Variants in SLC6A6 observed in about 807,000 individuals in gnomAD.
SLC6A6 encodes the protein sodium- and chloride-dependent taurine transporter.
SLC6A6 carries 16 observed loss-of-function variants against 68.8 expected under a neutral mutation model. The observed-to-expected ratio is 0.23, with a 90% CI of 0.16 to 0.35. The LOEUF (loss-of-function observed/expected upper bound fraction) is 0.35, where lower values mean the gene tolerates loss of function less well. Ranked by LOEUF, SLC6A6 falls within the 10% of genes least tolerant of loss-of-function variation. The pLI, the probability that SLC6A6 is intolerant of heterozygous loss-of-function variation, is 1.00. For missense variants in SLC6A6, 474 were observed against 802.8 expected (o/e 0.59, Z 4.95); for synonymous variants, 312 against 315.4 (o/e 0.99, Z 0.12).
rs58268204 is a variant in SLC6A6 at position 14,417,604 on chromosome 3, C to T, written c.-12+1151C>T. ...AAAATTAGCCAGACGTGGTGGCGGG[C>T]GCCTGTAGTTCCAGCTACTCGGGAG... On this transcript the variant is annotated intron_variant, in intron 2 of 14. Coordinates refer to ENST00000622186, the MANE Select transcript of SLC6A6 (RefSeq NM_003043.6). Among the ~76,000 whole-genome samples the T allele has an allele frequency of 3.1e-3, 475 of 152,224 alleles. 4 individuals carry two copies. The highest frequency in any genetic ancestry group is 0.011 in the African/African-American group (454 of 41,526).
intron 5 of SLC6A6, among the ~76,000 whole-genome samples, chr3:14,452,051 A>C (rs1004182010): frequency 6.6e-6 from 1 of 152,166 alleles, no homozygotes; most frequent in South Asian, 2.1e-4. Flanking sequence ...TCTGGAAGTC[A>C]GGGGTACGAG....
intron 14 of SLC6A6, 63 bp from the exon 15 acceptor site, chr3:14,484,804 C>G: frequency 6.4e-7 from 1 of 1,571,566 alleles, no homozygotes; most frequent in Non-Finnish European, 8.7e-7. Context: ...GGCAGATGGC[C>G]CTGGCGAAGG....
At chr3:14,439,552 A>G (rs958425032) in intron 2 of SLC6A6, among the ~76,000 whole-genome samples, 4 of 152,218 alleles carry the variant, frequency 2.6e-5, no homozygotes, top group African/African-American at 9.7e-5. Flanking sequence ...TTCATCCCAT[A>G]GCCTCTGTAT....
chr3:14,408,862 A>G (rs7616474), intron 1 of SLC6A6, among the ~76,000 whole-genome samples: 32,773 of 151,516 alleles, frequency 0.22, 3,705 homozygotes, highest in East Asian at 0.31. Flanking sequence ...GCTGGAGTGC[A>G]GTGGCGTGAT....
At chr3:14,446,905 T>A (rs1012560019) in intron 4 of SLC6A6, among the ~76,000 whole-genome samples, 1 of 152,126 alleles carries the variant, frequency 6.6e-6, no homozygotes, top group Non-Finnish European at 1.5e-5. Context: ...CATATGTGAG[T>A]CTCTTCATTC....
At position 14,447,581 on chromosome 3, in the gene SLC6A6, G is replaced by A; in HGVS notation, c.365-1G>A. 1 of 1,614,234 alleles carries A rather than the reference G, an allele frequency of 6.2e-7. No homozygotes were observed. The highest frequency in any genetic ancestry group is 8.5e-7 in the Non-Finnish European group (1 of 1,180,030). The stretch of plus-strand genomic sequence containing the variant: ...ACTCATCTCATTTGCCCAACCTGCA[G>A]GTATCGGCTATGCCTCCGTTGTAAT... On this transcript the variant is annotated splice_acceptor_variant, in intron 4 of 14. Coordinates refer to ENST00000622186, the MANE Select transcript of SLC6A6 (RefSeq NM_003043.6). LOFTEE classifies it high-confidence loss of function.
chr3:14,446,764 A>G (rs912560401), intron 4 of SLC6A6, among the ~76,000 whole-genome samples: 1 of 152,230 alleles, frequency 6.6e-6, no homozygotes, highest in Non-Finnish European at 1.5e-5. Context: ...TGAAGACAAA[A>G]TGACATAGCC....
chr3:14,482,507 C>G (rs1350744072), intron 14 of SLC6A6, among the ~76,000 whole-genome samples: 3 of 152,248 alleles, frequency 2.0e-5, no homozygotes, highest in Non-Finnish European at 2.9e-5. Flanking sequence ...CAGAATCTCC[C>G]TTAACCTTTT....
In SLC6A6 at chr3:14,472,086, C is replaced by T; in HGVS notation, c.1097-119C>T. The stretch of plus-strand genomic sequence containing the variant: ...TGGTCTCTTTCCCCAGGCCAGAGTT[C>T]AGACCTGGCTCCCTGCTGTATTTGG... On this transcript the variant is annotated intron_variant, in intron 9 of 14. Transcript: ENST00000622186. The surrounding 1 kb of genome is among the most constrained non-coding windows in gnomAD (Gnocchi z 4.5). 1 of 661,864 alleles carries T rather than the reference C, an allele frequency of 1.5e-6. No homozygotes were observed. Among genetic ancestry groups the T allele is most frequent in the Non-Finnish European group, 2.7e-6 (1 of 366,594 alleles). 41.0% of individuals were successfully genotyped at this position (661,864 alleles called of 1,614,324 possible).
intron 1 of SLC6A6, among the ~76,000 whole-genome samples, chr3:14,414,701 T>C (rs1022495087): frequency 2.6e-5 from 4 of 152,056 alleles, no homozygotes; most frequent in Non-Finnish European, 5.9e-5. Context: ...AATTTTTAAA[T>C]TTTATTTTTT....
intron 2 of SLC6A6, among the ~76,000 whole-genome samples, chr3:14,433,804 A>C (rs1699787612): frequency 5.8e-5 from 2 of 34,436 alleles, no homozygotes; most frequent in East Asian, 5.1e-4. Context: ...CTCTGTCTCA[A>C]AAAAAAAAAA....
chr3:14,435,752 C>T (rs1180076094), intron 2 of SLC6A6, among the ~76,000 whole-genome samples: 3 of 152,202 alleles, frequency 2.0e-5, no homozygotes, highest in Admixed American at 2.0e-4. Context: ...TGTGTTTGAC[C>T]CAGGTGGTGG....
chr3:14,471,880 A>T (rs1201780681), intron 9 of SLC6A6, among the ~76,000 whole-genome samples: 1 of 151,964 alleles, frequency 6.6e-6, no homozygotes, highest in East Asian at 1.9e-4. Context: ...GGGTGGGAGG[A>T]TCCTCCCTTT....
At chr3:14,429,045 C>A (rs985030378) in intron 2 of SLC6A6, among the ~76,000 whole-genome samples, 1 of 152,176 alleles carries the variant, frequency 6.6e-6, no homozygotes, top group Non-Finnish European at 1.5e-5. Flanking sequence ...CACCCCCCTA[C>A]CCCCAGGAAT....
At chr3:14,459,878 CTCTTCTTTTTTTTTTTTTTTTTT>C (rs36110023) in intron 6 of SLC6A6, among the ~76,000 whole-genome samples, 66,772 of 148,114 alleles carry the variant, frequency 0.45, 15,316 homozygotes, top group African/African-American at 0.56. Flanking sequence ...AATGCTAATT[CTCTTCTTTTTTTTTTTTTTTTTT>C]TTTTTTTGTA....
intron 5 of SLC6A6, chr3:14,448,166 TTC>T (rs1292473510): frequency 1.2e-6 from 1 of 863,110 alleles, no homozygotes; most frequent in Non-Finnish European, 1.5e-6. Flanking sequence ...AAAAAATATA[TTC>T]TGTTATTGCA....
chr3:14,413,487 T>C (rs1699296499), intron 1 of SLC6A6, among the ~76,000 whole-genome samples: 1 of 152,244 alleles, frequency 6.6e-6, no homozygotes, highest in African/African-American at 2.4e-5. Flanking sequence ...GAACACGTAG[T>C]GACTCTGAGT....
Position 14,484,905 on chromosome 3 carries a change from C to T in SLC6A6, c.1761C>T (p.Arg587=). 1 of 1,612,306 alleles carries T rather than the reference C, an allele frequency of 6.2e-7. No individual in the cohort carries two copies. The highest frequency in any genetic ancestry group is 8.5e-7 in the Non-Finnish European group (1 of 1,180,004). The change falls in exon 15 of 15, where the codon CGC becomes CGT. Residue 587 remains arginine, a synonymous_variant. Coordinates refer to ENST00000622186, the MANE Select transcript of SLC6A6 (RefSeq NM_003043.6). ...TGCTGACCCCAAGGGAACCCAACCG[C>T]TGGGCTGTGGAGCGCGAGGGAGCCA... ...KYLLTPREPN[R]WAVEREGATP...
At chr3:14,449,119 C>A (rs138850020) in intron 5 of SLC6A6, among the ~76,000 whole-genome samples, 1 of 152,354 alleles carries the variant, frequency 6.6e-6, no homozygotes, top group Non-Finnish European at 1.5e-5. Flanking sequence ...GGCCTACCGA[C>A]TGGCCCCAGC....
Sources: gnomAD v4.1 joint callset for allele counts (sites outside exome capture counted in the v4.1 genomes callset) on GRCh38, gnomAD v4.1.1 for gene constraint, Gnocchi (gnomAD v3.1) non-coding constraint, MANE v1.5 for transcripts, NCBI Gene and HGNC (gene_info 2026-07-23, HGNC 2026-07-21) for gene names.